The following MAPK6 variants were observed in gnomAD, a reference collection of about 807,000 sequenced individuals.
MAPK6 encodes mitogen-activated protein kinase 6.
A neutral mutation model predicts 59.3 loss-of-function variants in MAPK6; 19 were observed. The ratio of observed to expected loss-of-function variants is 0.32; its 90% CI spans 0.22 to 0.47. The LOEUF (loss-of-function observed/expected upper bound fraction) is 0.47. MAPK6 is among the 20% of genes least tolerant of loss of function. The pLI, the probability that MAPK6 is intolerant of heterozygous loss-of-function variation, is 1.00. For missense variants in MAPK6, 724 were observed against 847.9 expected (o/e 0.85, Z 1.81); for synonymous variants, 316 against 290.3 (o/e 1.09, Z -0.90).
chr15:52,025,691 G>A (rs1307157091), intron 1 of MAPK6, among the ~76,000 whole-genome samples: 3 of 152,160 alleles, frequency 2.0e-5, no homozygotes, highest in Non-Finnish European at 4.4e-5. Flanking sequence ...CAGCTGCTTG[G>A]GAGGCTGAGG....
At chr15:51,983,572 G>A (rs2057181548) in intron 2 of MAPK6, among the ~76,000 whole-genome samples, 1 of 152,034 alleles carries the variant, frequency 6.6e-6, no homozygotes, top group South Asian at 2.1e-4. Flanking sequence ...CACTTTGGGA[G>A]GCCTAGGTGG....
At chr15:52,040,375 G>A in intron 1 of MAPK6, among the ~76,000 whole-genome samples, 1 of 152,198 alleles carries the variant, frequency 6.6e-6, no homozygotes, top group South Asian at 2.1e-4. Flanking sequence ...GAGCCTTTGT[G>A]GAGAGGGGAT....
At chr15:52,040,049 G>A (rs555195155) in intron 1 of MAPK6, among the ~76,000 whole-genome samples, 7 of 152,250 alleles carry the variant, frequency 4.6e-5, no homozygotes, top group Non-Finnish European at 8.8e-5. Context: ...TCTTATGGCC[G>A]CCCACCATAC....
At chr15:52,060,685 G>C (rs2032165412) in intron 4 of MAPK6, among the ~76,000 whole-genome samples, 1 of 152,178 alleles carries the variant, frequency 6.6e-6, no homozygotes, top group South Asian at 2.1e-4. Context: ...GGAAGAACTG[G>C]ATTTGTGGTT....
chr15:52,063,367 A>G (rs1014298513), intron 5 of MAPK6, among the ~76,000 whole-genome samples: 3 of 152,176 alleles, frequency 2.0e-5, no homozygotes, highest in African/African-American at 7.2e-5. Context: ...CCTGACCTGC[A>G]TTTTCTATTT....
intron 3 of MAPK6, among the ~76,000 whole-genome samples, chr15:52,054,277 A>G (rs1221849483): frequency 6.8e-6 from 1 of 147,046 alleles, no homozygotes; most frequent in Non-Finnish European, 1.5e-5. Flanking sequence ...CTGAGGCAGG[A>G]GAATTGCTTG....
At chr15:52,016,051 A>G, upstream of MAPK6, among the ~76,000 whole-genome samples, 1 of 52,576 alleles carries the variant, frequency 1.9e-5, no homozygotes, top group South Asian at 1.0e-3. Flanking sequence ...GCCAAACTCC[A>G]TCGCGCGCGC....
chr15:52,014,064 C>T (rs942097178), intron 3 of MAPK6, among the ~76,000 whole-genome samples: 1 of 149,760 alleles, frequency 6.7e-6, no homozygotes, highest in Non-Finnish European at 1.5e-5. Flanking sequence ...ATTCTTTCAT[C>T]TGGGATTTTT....
intron 2 of MAPK6, among the ~76,000 whole-genome samples, chr15:51,989,646 C>T (rs1213163755): frequency 2.0e-5 from 3 of 152,166 alleles, no homozygotes; most frequent in African/African-American, 4.8e-5. Flanking sequence ...GTTGCCCAGG[C>T]TGGAGTGCAA....
chr15:52,026,410 G>A (rs2030778719), intron 1 of MAPK6, among the ~76,000 whole-genome samples: 1 of 152,132 alleles, frequency 6.6e-6, no homozygotes, highest in African/African-American at 2.4e-5. Flanking sequence ...TCCTGCTGCA[G>A]CCTCCCAAGT....
chr15:52,060,534 G>C (rs1362578855), intron 4 of MAPK6, among the ~76,000 whole-genome samples: 1 of 152,168 alleles, frequency 6.6e-6, no homozygotes, highest in Non-Finnish European at 1.5e-5. Context: ...GTTTTGTGTG[G>C]CCAGGGAGCA....
chr15:52,044,103 T>C (rs2141080953), intron 1 of MAPK6, among the ~76,000 whole-genome samples: 1 of 152,226 alleles, frequency 6.6e-6, no homozygotes, highest in East Asian at 1.9e-4. Flanking sequence ...CAAAAGTTTA[T>C]TCACAAACTT....
chr15:51,974,658 C>CAAAAAA (rs765698138), intron 1 of MAPK6, among the ~76,000 whole-genome samples: 2 of 32,958 alleles, frequency 6.1e-5, no homozygotes, highest in Non-Finnish European at 1.2e-4. Context: ...GACTCCGTCT[C>CAAAAAA]AAAAAAAAAA....
intron 3 of MAPK6, 98 bp from the exon 4 acceptor site, chr15:52,058,535 C>T (rs78586088): frequency 4.0e-6 from 4 of 997,178 alleles, no homozygotes; most frequent in African/African-American, 1.7e-5. Context: ...AACTTTTCCC[C>T]CCACTGGTCA....
chr15:51,998,504 C>CTT (rs368179816), intron 2 of MAPK6, among the ~76,000 whole-genome samples: 8,400 of 128,456 alleles, frequency 0.065, 609 homozygotes, highest in African/African-American at 0.16. Flanking sequence ...CGCACCTGGC[C>CTT]TTTTTTTTTT....
intron 1 of MAPK6, among the ~76,000 whole-genome samples, chr15:51,977,060 G>A (rs951805813): frequency 6.6e-6 from 1 of 151,336 alleles, no homozygotes; most frequent in African/African-American, 2.4e-5. Context: ...CTGGAGTGCA[G>A]TGGTACGATC....
intron 3 of MAPK6, among the ~76,000 whole-genome samples, chr15:52,057,519 C>A (rs2032028192): frequency 6.6e-6 from 1 of 150,740 alleles, no homozygotes; most frequent in African/African-American, 2.4e-5. Flanking sequence ...TTCCTGACTT[C>A]CTTAATTTTC....
chr15:52,014,632 G>A (rs958597745), upstream of MAPK6, among the ~76,000 whole-genome samples: 2 of 149,886 alleles, frequency 1.3e-5, no homozygotes, highest in Admixed American at 6.7e-5. Context: ...GCTTGAGCCC[G>A]AGAGATTGAG....
intron 1 of MAPK6, among the ~76,000 whole-genome samples, chr15:51,981,081 T>G (rs1347721397): frequency 1.3e-5 from 2 of 151,842 alleles, no homozygotes; most frequent in Non-Finnish European, 2.9e-5. Context: ...TCAAGTGTCA[T>G]CTCCAAAGCA....
Sources: allele counts gnomAD v4.1 joint callset (sites outside exome capture counted in the v4.1 genomes callset), GRCh38; gene constraint gnomAD v4.1.1; transcripts MANE v1.5; gene names NCBI Gene and HGNC (gene_info 2026-07-23, HGNC 2026-07-21).